LAMA5: variants seen among roughly 807,000 people sequenced by gnomAD.
LAMA5 encodes laminin subunit alpha 5, also known as laminin subunit alpha-5.
A neutral mutation model predicts 433.4 loss-of-function variants in LAMA5; 260 were observed. That is an observed-to-expected ratio of 0.60 (90% CI 0.54 to 0.66). The LOEUF is 0.66. Among genes scored for constraint, LAMA5 ranks in the 30% least tolerant of loss-of-function variants. The pLI, the probability that LAMA5 is intolerant of heterozygous loss-of-function variation, is 0.00. For synonymous variants in LAMA5, 2,620 were observed against 2,226.6 expected (o/e 1.18, Z -4.97); for missense variants, 5,378 against 5,258.5 (o/e 1.02, Z -0.70).
Position 62,340,310 on chromosome 20 carries a change from T to TTG in LAMA5, c.1478-1703_1478-1702insCA, listed in dbSNP as rs1420870284. On this transcript the variant is annotated intron_variant, in intron 11 of 79. Coordinates refer to ENST00000252999, the MANE Select transcript of LAMA5 (RefSeq NM_005560.6). The stretch of plus-strand genomic sequence containing the variant: ...ATAATGAACAAGCCTCCTTTGTTTT[T>TTG]TTTTTTTTTTTTTTTTTTGAAATGG... Among the ~76,000 whole-genome samples the TTG allele has an allele frequency of 8.9e-3, 780 of 87,222 alleles. 5 individuals carry two copies. The highest frequency in any genetic ancestry group is 0.013 in the Non-Finnish European group (518 of 38,598). The allele number at this position is 87,222 out of a possible 152,430, so 57.2% of individuals were successfully genotyped here.
Position 62,314,586 on chromosome 20 carries a change from T to A in LAMA5, c.8336A>T (p.Asp2779Val). The A allele has an allele frequency of 6.2e-7, 1 of 1,611,626 alleles. No individual in the cohort carries two copies. The highest frequency in any genetic ancestry group is 2.2e-5 in the East Asian group (1 of 44,860). Residue 2779 changes from aspartate to valine, a missense_variant, in exon 61 of 80, where the codon GAT becomes GTT. By Grantham distance (152) the Asp-to-Val change is radical. Coordinates refer to ENST00000252999, the MANE Select transcript of LAMA5 (RefSeq NM_005560.6). The part of the protein sequence containing the change: ...PEPEPGQGTE[D>V]RFVMYMGSRQ... ...GCTGCCCATGTACATCACAAAGCGATCCTCGGTACCCTGCCCAGGCTCAGG... is the reference window on the plus strand; with the variant it reads ...GCTGCCCATGTACATCACAAAGCGAACCTCGGTACCCTGCCCAGGCTCAGG...
At chr20:62,332,031 G>A (rs1208250105) in intron 28 of LAMA5, among the ~76,000 whole-genome samples, 2 of 150,448 alleles carry the variant, frequency 1.3e-5, no homozygotes, top group African/African-American at 4.9e-5. Context: ...CAGCCTGGGC[G>A]ACAGAGTGAG....
At position 62,309,984 on chromosome 20, in the gene LAMA5, T is replaced by C; in HGVS notation, c.10828+4A>G. ...GAGTGCCCTGGCCACAGGAGGGGCCTCACCCGCTAGCCGGTGCCACTGGCC... is the reference window on the plus strand; with the variant it reads ...GAGTGCCCTGGCCACAGGAGGGGCCCCACCCGCTAGCCGGTGCCACTGGCC... On this transcript the variant is annotated splice_donor_region_variant and intron_variant, in intron 78 of 79. Coordinates refer to ENST00000252999, the MANE Select transcript of LAMA5 (RefSeq NM_005560.6). 6.2e-7 allele frequency: 1 copy of C among 1,609,886 alleles called. No homozygotes were observed. The highest frequency in any genetic ancestry group is 1.1e-5 in the South Asian group (1 of 91,044).
chr20:62,329,087 C>T (rs1316494348), intron 33 of LAMA5, 32 bp from the exon 34 acceptor site: 2 of 1,612,028 alleles, frequency 1.2e-6, no homozygotes, highest in East Asian at 2.2e-5. Flanking sequence ...GAGGCCAGCT[C>T]CCGGCCCAGA....
chr20:62,329,196 G>T lies in LAMA5; in HGVS notation c.4177C>A (p.Pro1393Thr). Residue 1393 changes from proline (P) to threonine (T), a missense_variant, in exon 33 of 80, where the codon CCC becomes ACC. Coordinates refer to ENST00000252999, the MANE Select transcript of LAMA5 (RefSeq NM_005560.6). ...ATGAAGTCATAGGATTTATCCAGGG[G>T]CTCCTCCCGGAGGTAGCCAAAGCTG... ...VYSFGYLREE[P>T]LDKSYDFISH... 6.2e-7 allele frequency: 1 copy of T among 1,612,876 alleles called. No individual in the cohort carries two copies. Among genetic ancestry groups the T allele is most frequent in the East Asian group, 2.2e-5 (1 of 44,878 alleles).
intron 6 of LAMA5, among the ~76,000 whole-genome samples, chr20:62,349,979 G>A (rs1022693082): frequency 6.6e-6 from 1 of 151,498 alleles, no homozygotes; most frequent in Non-Finnish European, 1.5e-5. Context: ...GGTAAAGGGT[G>A]CAGGGAGAAC....
intron 2 of LAMA5, among the ~76,000 whole-genome samples, chr20:62,358,841 C>T (rs1203806732): frequency 6.6e-6 from 1 of 152,168 alleles, no homozygotes; most frequent in African/African-American, 2.4e-5. Context: ...GCTTTGCCTC[C>T]TTGTACCCCC....
intron 2 of LAMA5, among the ~76,000 whole-genome samples, chr20:62,357,413 T>C (rs1985402449): frequency 6.6e-6 from 1 of 152,196 alleles, no homozygotes; most frequent in African/African-American, 2.4e-5. Context: ...CCCAGAGTCC[T>C]GGGCCAGCCC....
intron 6 of LAMA5, among the ~76,000 whole-genome samples, chr20:62,347,930 G>A (rs945869858): frequency 5.3e-5 from 8 of 152,208 alleles, no homozygotes; most frequent in African/African-American, 1.7e-4. Flanking sequence ...ACATCTGGGA[G>A]GGCCATACCC....
chr20:62,321,565 G>T (rs1219281660), intron 48 of LAMA5, among the ~76,000 whole-genome samples: 2 of 113,970 alleles, frequency 1.8e-5, no homozygotes, highest in East Asian at 5.3e-4. Context: ...GGGGCCAGTG[G>T]AGGCAGGGCC....
chr20:62,333,792 G>T, intron 23 of LAMA5, 86 bp from the exon 24 acceptor site: 2 of 1,230,000 alleles, frequency 1.6e-6, no homozygotes, highest in Non-Finnish European at 2.1e-6. Context: ...GGATAGGCTG[G>T]TCCTACCACC....
In LAMA5 at chr20:62,323,675, G is replaced by C; in HGVS notation, c.5850-5C>G. 1 of 1,604,748 alleles carries C rather than the reference G, an allele frequency of 6.2e-7. No individual in the cohort carries two copies. The highest frequency in any genetic ancestry group is 1.1e-5 in the South Asian group (1 of 90,222). On this transcript the variant is annotated splice_polypyrimidine_tract_variant and splice_region_variant and intron_variant, in intron 44 of 79. Coordinates refer to ENST00000252999, the MANE Select transcript of LAMA5 (RefSeq NM_005560.6). ...CCAAAGAATCCGGGCGCACACCTGG[G>C]AGCAGGGTGGGGAGGGGCCGTCAGT...
intron 2 of LAMA5, among the ~76,000 whole-genome samples, chr20:62,353,780 C>G (rs1346073466): frequency 1.3e-5 from 2 of 152,148 alleles, no homozygotes; most frequent in Non-Finnish European, 2.9e-5. Flanking sequence ...GCCCCTGCCC[C>G]CACCTCACAC....
intron 11 of LAMA5, among the ~76,000 whole-genome samples, chr20:62,341,070 A>C (rs564849500): frequency 6.7e-6 from 1 of 148,730 alleles, no homozygotes; most frequent in South Asian, 2.1e-4. Context: ...AAATAAATAA[A>C]TAAATAAATA....
intron 51 of LAMA5, among the ~76,000 whole-genome samples, chr20:62,319,406 G>A (rs1219330130): frequency 1.3e-5 from 2 of 151,972 alleles, no homozygotes; most frequent in Non-Finnish European, 2.9e-5. Flanking sequence ...ATGTCTCAGT[G>A]TGCACTACGG....
At chr20:62,343,775 A>C (rs1982947486) in intron 11 of LAMA5, among the ~76,000 whole-genome samples, 1 of 28,226 alleles carries the variant, frequency 3.5e-5, no homozygotes, top group Non-Finnish European at 1.5e-4. Context: ...AAACTCCATC[A>C]AAAAAAAAAA....
At position 62,338,131 on chromosome 20, in the gene LAMA5, T is replaced by C; in HGVS notation, c.1776A>G (p.Ala592=). ...CATCGCAGCCCTCGGGCAAGGTTCC[T>C]GCAGGGCTGCAGCCACACACTGCAG... ...PLCQLCGCSP[A]GTLPEGCDEA... Residue 592 remains alanine, a synonymous_variant, in exon 14 of 80, where the codon GCA becomes GCG. Coordinates refer to ENST00000252999, the MANE Select transcript of LAMA5 (RefSeq NM_005560.6). 6.3e-7 allele frequency: 1 copy of C among 1,588,278 alleles called. No individual in the cohort carries two copies. The highest frequency in any genetic ancestry group is 2.2e-5 in the East Asian group (1 of 44,634).
At position 62,318,906 on chromosome 20, in the gene LAMA5, G is replaced by C. The variant is rs777572914; in HGVS notation, c.6979C>G (p.Arg2327Gly). Residue 2327 changes from arginine (R) to glycine (G), a missense_variant, in exon 52 of 80, where the codon CGG (arginine) becomes GGG (glycine). Arg to Gly is a moderately radical substitution (Grantham distance 125, BLOSUM62 -2). Coordinates refer to ENST00000252999, the MANE Select transcript of LAMA5 (RefSeq NM_005560.6). ...AEVERLLWEM[R>G]ARDLGAPQAA... Reference sequence around the variant, plus strand: ...TGCGGGGCCCCCAGGTCCCGGGCCCGCATCTCCCAGAGCAGCCGCTCCACC... The same window carrying C: ...TGCGGGGCCCCCAGGTCCCGGGCCCCCATCTCCCAGAGCAGCCGCTCCACC... 1 of 1,604,476 alleles carries C rather than the reference G, an allele frequency of 6.2e-7. No homozygotes were observed. The highest frequency in any genetic ancestry group is 1.3e-5 in the African/African-American group (1 of 74,960).
rs926188777 is a variant in LAMA5 at position 62,355,870 on chromosome 20, G to A, written c.451-2619C>T. Among the ~76,000 whole-genome samples the A allele has an allele frequency of 3.9e-5, 6 of 152,126 alleles. No homozygotes were observed. In the East Asian group the frequency reaches 9.7e-4, roughly 25 times the overall value. On this transcript the variant is annotated intron_variant, in intron 2 of 79. Coordinates refer to ENST00000252999, the MANE Select transcript of LAMA5 (RefSeq NM_005560.6). ...AGGGGCAGGGACACAGGCTGTTCTCGGGGAGCTGGCAACACAGCCCCTCCC... is the reference window on the plus strand; with the variant it reads ...AGGGGCAGGGACACAGGCTGTTCTCAGGGAGCTGGCAACACAGCCCCTCCC...
Sources: gnomAD v4.1 joint callset for allele counts (sites outside exome capture counted in the v4.1 genomes callset) on GRCh38, gnomAD v4.1.1 for gene constraint, MANE v1.5 for transcripts, NCBI Gene and HGNC (gene_info 2026-07-23, HGNC 2026-07-21) for gene names.